Variants in CSTPP1 observed in about 807,000 individuals in gnomAD.
The protein encoded by CSTPP1 is UPF0705 protein C11orf49.
the CSTPP1 span, among the ~76,000 whole-genome samples, chr11:47,066,779 CACT>C: frequency 0.019 from 2,907 of 152,224 alleles, 35 homozygotes; most frequent in Middle Eastern, 0.048. Context: ...AATCCACCAC[CACT>C]ACAACTGTCG....
At chr11:47,162,197 A>AGCT in the CSTPP1 span, 1 of 985,434 alleles carries the variant, frequency 1.0e-6, no homozygotes, top group African/African-American at 1.7e-5. Flanking sequence ...CTTTGTGTCT[A>AGCT]ATAGCTAAAC....
the CSTPP1 span, among the ~76,000 whole-genome samples, chr11:47,067,984 G>T: frequency 6.6e-6 from 1 of 151,730 alleles, no homozygotes; most frequent in African/African-American, 2.4e-5. Flanking sequence ...TATATTCAAT[G>T]GATTTTAGTT....
the CSTPP1 span, among the ~76,000 whole-genome samples, chr11:47,056,779 G>A: frequency 6.6e-6 from 1 of 152,126 alleles, no homozygotes; most frequent in Non-Finnish European, 1.5e-5. Context: ...ACTCTTGGCG[G>A]CAAGGTTCTA....
chr11:46,986,712 C>T, the CSTPP1 span, among the ~76,000 whole-genome samples: 5 of 152,178 alleles, frequency 3.3e-5, no homozygotes, highest in Admixed American at 2.6e-4. Context: ...AAGTGATCCA[C>T]CCGCCTCAGC....
the CSTPP1 span, among the ~76,000 whole-genome samples, chr11:46,953,577 G>C: frequency 2.0e-5 from 3 of 152,046 alleles, no homozygotes; most frequent in African/African-American, 7.2e-5. Flanking sequence ...ACTGTTATGG[G>C]ATCTTTGAAA....
At chr11:47,149,061 G>A in the CSTPP1 span, among the ~76,000 whole-genome samples, 1 of 152,216 alleles carries the variant, frequency 6.6e-6, no homozygotes, top group East Asian at 1.9e-4. Flanking sequence ...CTGGAAGTCA[G>A]CAGGGGAGGG....
the CSTPP1 span, among the ~76,000 whole-genome samples, chr11:46,937,643 C>T: frequency 2.0e-5 from 3 of 152,170 alleles, no homozygotes; most frequent in African/African-American, 7.2e-5. Context: ...GATCTTGGCT[C>T]ACTGCAAGCT....
the CSTPP1 span, among the ~76,000 whole-genome samples, chr11:47,033,752 T>G: frequency 6.6e-6 from 1 of 152,208 alleles, no homozygotes; most frequent in Non-Finnish European, 1.5e-5. Flanking sequence ...TTTCTTGATG[T>G]TCTATCAGGA....
chr11:47,110,890 C>CTT, the CSTPP1 span, among the ~76,000 whole-genome samples: 15 of 125,492 alleles, frequency 1.2e-4, no homozygotes, highest in South Asian at 5.3e-4. Context: ...GAGAACACAT[C>CTT]TTTTTTTTTT....
At chr11:47,045,411 A>G in the CSTPP1 span, among the ~76,000 whole-genome samples, 3 of 152,170 alleles carry the variant, frequency 2.0e-5, no homozygotes, top group African/African-American at 7.2e-5. Context: ...AAACTAGTTC[A>G]TGGGCTAATT....
chr11:47,092,248 G>A, the CSTPP1 span, among the ~76,000 whole-genome samples: 1 of 152,124 alleles, frequency 6.6e-6, no homozygotes, highest in Non-Finnish European at 1.5e-5. Flanking sequence ...CCTTTCCAAT[G>A]GCTGTAAAAG....
At chr11:47,071,105 C>A in the CSTPP1 span, among the ~76,000 whole-genome samples, 1 of 152,176 alleles carries the variant, frequency 6.6e-6, no homozygotes, top group African/African-American at 2.4e-5. Context: ...TCAAAAGCGA[C>A]CTCTTAGGGC....
chr11:46,942,673 C>T, the CSTPP1 span, among the ~76,000 whole-genome samples: 4 of 152,054 alleles, frequency 2.6e-5, no homozygotes, highest in Admixed American at 2.0e-4. Flanking sequence ...TTTTTGAACT[C>T]TTCCTATATG....
the CSTPP1 span, among the ~76,000 whole-genome samples, chr11:46,939,882 C>A: frequency 7.3e-5 from 11 of 151,724 alleles, no homozygotes; most frequent in African/African-American, 2.7e-4. Context: ...TCTTTTCTTT[C>A]TTTCTTGAGA....
chr11:47,038,745 C>T, the CSTPP1 span, among the ~76,000 whole-genome samples: 17 of 120,028 alleles, frequency 1.4e-4, 2 homozygotes, highest in Admixed American at 4.4e-4. Flanking sequence ...ACTTCCCAGA[C>T]GGGGTGGCTG....
the CSTPP1 span, among the ~76,000 whole-genome samples, chr11:47,156,496 C>G: frequency 6.6e-6 from 1 of 152,256 alleles, no homozygotes; most frequent in Admixed American, 6.5e-5. Flanking sequence ...CTGTTCCTCG[C>G]TGGTATTCCA....
the CSTPP1 span, among the ~76,000 whole-genome samples, chr11:46,965,488 G>A: frequency 6.6e-6 from 1 of 152,086 alleles, no homozygotes; most frequent in Non-Finnish European, 1.5e-5. Flanking sequence ...GCCTCCCAAA[G>A]TGTTAGGATT....
the CSTPP1 span, among the ~76,000 whole-genome samples, chr11:47,152,662 G>A: frequency 6.6e-6 from 1 of 152,216 alleles, no homozygotes; most frequent in Non-Finnish European, 1.5e-5. Flanking sequence ...GCGCTACTTT[G>A]TGAATATACT....
At chr11:47,151,284 G>A in the CSTPP1 span, among the ~76,000 whole-genome samples, 2 of 152,014 alleles carry the variant, frequency 1.3e-5, no homozygotes, top group African/African-American at 2.4e-5. Context: ...GCTGGCGCAC[G>A]CCTGTAGTCC....
Sources: gnomAD v4.1 joint callset for allele counts (sites outside exome capture counted in the v4.1 genomes callset) on GRCh38, gnomAD v4.1.1 for gene constraint, MANE v1.5 for transcripts, NCBI Gene and HGNC (gene_info 2026-07-23, HGNC 2026-07-21) for gene names.